The following TENM2 variants were observed in gnomAD, a reference collection of about 807,000 sequenced individuals.
TENM2 encodes the protein teneurin-2.
A neutral mutation model predicts 245.2 loss-of-function variants in TENM2; 52 were observed. The observed-to-expected ratio is 0.21, with a 90% confidence interval of 0.17 to 0.27. The LOEUF (loss-of-function observed/expected upper bound fraction) is 0.27, where lower values mean the gene tolerates loss of function less well. Among genes scored for constraint, TENM2 ranks in the 10% least tolerant of loss-of-function variants. The probability of loss-of-function intolerance (pLI) is 1.00; values close to 1 mark genes in which losing one functional copy is unlikely to be tolerated. For missense variants in TENM2, 3,046 were observed against 3,666.8 expected, an observed-to-expected ratio of 0.83 and a Z score of 4.37; for synonymous variants, 1,363 against 1,438.9, an observed-to-expected ratio of 0.95 and a Z score of 1.19.
chr5:168,076,235 T>C (rs962506430), intron 7 of TENM2, among the ~76,000 whole-genome samples: 1 of 98,106 alleles, frequency 1.0e-5, no homozygotes, highest in South Asian at 3.4e-4. Flanking sequence ...TTTATTTTAT[T>C]TTATTTTTGA....
rs61683445 is a variant in TENM2, at chr5:167,434,412, CAAAAAAAAAAAAA to C, written c.502+58953_502+58965del. 4.3e-3 allele frequency among the ~76,000 whole-genome samples: 317 copies of C among 74,496 alleles called. 2 individuals carry two copies. The highest frequency in any genetic ancestry group is 0.015 in the African/African-American group (299 of 20,104). 48.9% of individuals were successfully genotyped at this position (74,496 alleles called of 152,430 possible). On this transcript the variant is annotated intron_variant, in intron 2 of 28. Transcript: ENST00000518659. ...TGGGCAACAGTGAAAGACTCTATCT[CAAAAAAAAAAAAA>C]AAAAAAAAAAAAAGACAAATAATTT...
At chr5:168,109,803 A>G (rs1794528968) in intron 9 of TENM2, among the ~76,000 whole-genome samples, 2 of 151,852 alleles carry the variant, frequency 1.3e-5, no homozygotes, top group Admixed American at 1.3e-4. Context: ...ATCACTTTTG[A>G]CCTCTCATCC....
intron 20 of TENM2, among the ~76,000 whole-genome samples, chr5:168,214,476 A>C (rs1763025144): frequency 6.6e-6 from 1 of 152,244 alleles, no homozygotes; most frequent in South Asian, 2.1e-4. Flanking sequence ...TGCCAACTTT[A>C]TCCATGTCCA....
At chr5:167,940,282 C>G (rs551042513) in intron 3 of TENM2, among the ~76,000 whole-genome samples, 1 of 152,120 alleles carries the variant, frequency 6.6e-6, no homozygotes, top group Non-Finnish European at 1.5e-5. Context: ...TTAACTAATT[C>G]GGTCATTTGT....
chr5:167,377,009 G>A (rs566953486), intron 2 of TENM2, among the ~76,000 whole-genome samples: 9 of 152,168 alleles, frequency 5.9e-5, no homozygotes, highest in African/African-American at 1.9e-4. Flanking sequence ...AGAGGGAACC[G>A]TCTATACAGA....
chr5:167,357,300 C>CTTTT (rs11442891), intron 1 of TENM2, among the ~76,000 whole-genome samples: 89 of 139,696 alleles, frequency 6.4e-4, no homozygotes, highest in Non-Finnish European at 7.5e-4. Flanking sequence ...GCCATCCTTT[C>CTTTT]TTTTTTTTTT....
intron 2 of TENM2, among the ~76,000 whole-genome samples, chr5:167,402,602 T>C (rs1182499040): frequency 1.3e-5 from 2 of 150,542 alleles, no homozygotes; most frequent in African/African-American, 4.9e-5. Flanking sequence ...AAGTGTAGAT[T>C]CTCTCTTTCT....
chr5:167,666,946 G>A (rs1362552391), intron 2 of TENM2, among the ~76,000 whole-genome samples: 1 of 152,110 alleles, frequency 6.6e-6, no homozygotes, highest in Admixed American at 6.6e-5. Context: ...GGGTTTCTGG[G>A]ATATGGCACT....
At chr5:167,947,514 G>A (rs1456915118) in intron 3 of TENM2, among the ~76,000 whole-genome samples, 1 of 152,168 alleles carries the variant, frequency 6.6e-6, no homozygotes, top group Non-Finnish European at 1.5e-5. Context: ...CTGAACATCT[G>A]CAACAGACTC....
At chr5:168,159,429 C>A in intron 12 of TENM2, among the ~76,000 whole-genome samples, 1 of 152,160 alleles carries the variant, frequency 6.6e-6, no homozygotes, top group East Asian at 1.9e-4. Context: ...AGCCCATTAG[C>A]CCAATCCAAC....
chr5:167,935,926 A>G (rs1344287226), intron 3 of TENM2, among the ~76,000 whole-genome samples: 1 of 152,074 alleles, frequency 6.6e-6, no homozygotes, highest in East Asian at 1.9e-4. Flanking sequence ...CATGTTCTGT[A>G]TCTCTACCCA....
At chr5:168,217,749 G>A (rs574242114) in intron 22 of TENM2, among the ~76,000 whole-genome samples, 10 of 152,244 alleles carry the variant, frequency 6.6e-5, no homozygotes, top group South Asian at 4.2e-4. Flanking sequence ...TTCCGTAGGC[G>A]TCTGCTTGGA....
At chr5:167,111,923 C>T in the TENM2 span, among the ~76,000 whole-genome samples, 1 of 152,130 alleles carries the variant, frequency 6.6e-6, no homozygotes, top group Admixed American at 6.5e-5. Flanking sequence ...TTTCTGCATT[C>T]GATTTACTAA....
chr5:167,429,319 C>T (rs1431588900), intron 2 of TENM2, among the ~76,000 whole-genome samples: 1 of 152,116 alleles, frequency 6.6e-6, no homozygotes, highest in Non-Finnish European at 1.5e-5. Flanking sequence ...TGTAAGCTTG[C>T]CTCCTATGTT....
At chr5:167,934,906 C>T (rs1045549735) in intron 3 of TENM2, 3 of 985,502 alleles carry the variant, frequency 3.0e-6, no homozygotes, top group Non-Finnish European at 3.6e-6. Context: ...GCTGCACTGC[C>T]CTTGAGTCGT....
At chr5:167,081,510 T>C in the TENM2 span, among the ~76,000 whole-genome samples, 1 of 152,126 alleles carries the variant, frequency 6.6e-6, no homozygotes, top group African/African-American at 2.4e-5. Flanking sequence ...AAAAAATAAA[T>C]AATATGAAAT....
chr5:167,109,852 T>G, the TENM2 span, among the ~76,000 whole-genome samples: 5 of 152,214 alleles, frequency 3.3e-5, no homozygotes, highest in African/African-American at 9.7e-5. Context: ...AGTGTGGTCC[T>G]TAGGGCCTTG....
chr5:168,105,149 G>A (rs985389986), intron 9 of TENM2, among the ~76,000 whole-genome samples: 3 of 152,182 alleles, frequency 2.0e-5, no homozygotes, highest in Admixed American at 2.0e-4. Flanking sequence ...CCCTGGTGGT[G>A]TCTTTAAGGA....
At chr5:168,132,646 C>T (rs1754696054) in intron 12 of TENM2, among the ~76,000 whole-genome samples, 1 of 152,176 alleles carries the variant, frequency 6.6e-6, no homozygotes, top group South Asian at 2.1e-4. Flanking sequence ...AAGAATTGAA[C>T]AGTTTGGAAC....
Sources: gnomAD v4.1 joint callset for allele counts (sites outside exome capture counted in the v4.1 genomes callset) on GRCh38, gnomAD v4.1.1 for gene constraint, MANE v1.5 for transcripts, NCBI Gene and HGNC (gene_info 2026-07-23, HGNC 2026-07-21) for gene names.